Variants in CANX observed in about 807,000 individuals in gnomAD.
CANX encodes epididymis secretory sperm binding protein.
Under a neutral mutation model 75.7 loss-of-function variants are expected in CANX, and 14 were observed. The observed-to-expected ratio is 0.19, with a 90% CI of 0.12 to 0.29. The LOEUF is 0.29. CANX is among the 10% of genes least tolerant of loss of function. The pLI is 1.00. For missense variants in CANX, 567 were observed against 713.2 expected (o/e 0.79, Z 2.34); for synonymous variants, 227 against 236.9 (o/e 0.96, Z 0.38).
At chr5:179,721,349 C>T (rs1306985310) in intron 10 of CANX, among the ~76,000 whole-genome samples, 2 of 152,222 alleles carry the variant, frequency 1.3e-5, no homozygotes, top group African/African-American at 4.8e-5. Flanking sequence ...CTTCGCCTTT[C>T]GAAGTCCTGG....
At chr5:179,724,259 T>TA (rs1778500035) in intron 12 of CANX, among the ~76,000 whole-genome samples, 2 of 151,928 alleles carry the variant, frequency 1.3e-5, no homozygotes, top group South Asian at 4.1e-4. Flanking sequence ...CATGCTATCA[T>TA]AAAAAAAGAA....
intron 9 of CANX, 136 bp downstream of exon 9, chr5:179,719,917 G>T (rs1344689359): frequency 2.5e-5 from 15 of 604,524 alleles, no homozygotes; most frequent in Non-Finnish European, 4.1e-5. Context: ...CACCTCCTGG[G>T]TTCAAGTGAT....
At chr5:179,699,379 A>T (rs1020797957) in intron 1 of CANX, among the ~76,000 whole-genome samples, 5 of 152,082 alleles carry the variant, frequency 3.3e-5, no homozygotes, top group African/African-American at 1.2e-4. Context: ...ACTTATTCCT[A>T]TGGCTTTGCT....
At chr5:179,705,585 A>C in intron 1 of CANX, 94 bp from the exon 2 acceptor site, 30 of 883,794 alleles carry the variant, frequency 3.4e-5, no homozygotes, top group Non-Finnish European at 4.8e-5. Context: ...TCTGCGATTT[A>C]AAAGCTTTAA....
chr5:179,726,373 G>A (rs1778670939), intron 13 of CANX, among the ~76,000 whole-genome samples: 1 of 151,830 alleles, frequency 6.6e-6, no homozygotes. Context: ...TCAGGAGATC[G>A]AGACCATCCT....
chr5:179,721,431 C>G (rs1389083131), intron 10 of CANX, among the ~76,000 whole-genome samples: 1 of 152,164 alleles, frequency 6.6e-6, no homozygotes, highest in African/African-American at 2.4e-5. Flanking sequence ...TATTTAAAAA[C>G]AAAAGAGAAA....
chr5:179,679,137 C>G, intron 1 of CANX: 1 of 1,535,606 alleles, frequency 6.5e-7, no homozygotes, highest in Non-Finnish European at 8.7e-7. Context: ...TCGAAGGTTG[C>G]CAGGGCGTGG....
rs546801666 is a variant in CANX at position 179,724,328 on chromosome 5, A to T, written c.1519-329A>T. On this transcript the variant is annotated intron_variant, in intron 12 of 14. Transcript: ENST00000247461. Reference sequence around the variant, plus strand: ...GGATTATGCTTCATCTGGCATTCATAGCACTTTGTAACTGGATCCCAAGTT... The same window carrying T: ...GGATTATGCTTCATCTGGCATTCATTGCACTTTGTAACTGGATCCCAAGTT... Among the ~76,000 whole-genome samples, 3 of 152,236 alleles carry T rather than the reference A, an allele frequency of 2.0e-5. No homozygotes were observed. The South Asian group carries it at 6.2e-4, about 31-fold the overall frequency.
Position 179,716,146 on chromosome 5 carries a change from T to C in CANX, c.763T>C (p.Ser255Pro). ...TAGTTTTGAAATACTGGTTGACCAATCTGTGGTGAATAGTGGAAATCTGCT... is the reference window on the plus strand; with the variant it reads ...TAGTTTTGAAATACTGGTTGACCAACCTGTGGTGAATAGTGGAAATCTGCT... ...DNSFEILVDQ[S>P]VVNSGNLLND... The change falls in exon 8 of 15, where the codon TCT becomes CCT. Residue 255 changes from serine (S) to proline (P), a missense_variant. Physicochemically the swap from Ser to Pro is moderately conservative, Grantham distance 74 (BLOSUM62 -1). Coordinates refer to ENST00000247461, the MANE Select transcript of CANX (RefSeq NM_001746.4). The C allele has an allele frequency of 6.2e-7, 1 of 1,613,028 alleles. No individual in the cohort carries two copies. Among genetic ancestry groups the C allele is most frequent in the Non-Finnish European group, 8.5e-7 (1 of 1,178,998 alleles).
At chr5:179,725,310 G>A (rs1481779643) in intron 13 of CANX, among the ~76,000 whole-genome samples, 3 of 151,952 alleles carry the variant, frequency 2.0e-5, no homozygotes, top group South Asian at 2.1e-4. Flanking sequence ...AGATTCAAGC[G>A]ATTCTCCCAC....
intron 1 of CANX, chr5:179,699,761 A>G (rs1776608616): frequency 6.6e-6 from 1 of 152,274 alleles, no homozygotes; most frequent in Non-Finnish European, 1.5e-5. Flanking sequence ...TCCACACCGG[A>G]GGCCTGGAGG....
In CANX at chr5:179,722,952, G is replaced by A. The variant is rs771656553; in HGVS notation, c.1331G>A (p.Arg444Gln). Residue 444 changes from arginine to glutamine, a missense_variant, in exon 11 of 15, where the codon CGA becomes CAA. Coordinates refer to ENST00000247461, the MANE Select transcript of CANX (RefSeq NM_001746.4). ...FFDNFIICADRRIVDDWANDG... is the reference protein window; with the variant it reads ...FFDNFIICADQRIVDDWANDG... Reference sequence around the variant, plus strand: ...GACAACTTTATCATTTGTGCTGATCGAAGAATAGTTGATGATTGGGCCAAT... The same window carrying A: ...GACAACTTTATCATTTGTGCTGATCAAAGAATAGTTGATGATTGGGCCAAT... 1.2e-5 allele frequency: 19 copies of A among 1,614,018 alleles called. No individual in the cohort carries two copies. Among genetic ancestry groups the A allele is most frequent in the East Asian group, 8.9e-5 (4 of 44,892 alleles).
chr5:179,710,043 G>T lies in CANX; in HGVS notation c.699G>T (p.Lys233Asn). ...ATCTGAAGACCTATTTTACTGATAA[G>T]AAAACACATCTTTACACACTAAGTA... ...DADLKTYFTD[K>N]KTHLYTLILN... is the part of the protein sequence containing the mutation. Residue 233 changes from lysine to asparagine, a missense_variant, in exon 7 of 15, where the codon AAG becomes AAT. Lys to Asn is a moderately conservative substitution (Grantham distance 94, BLOSUM62 0). Transcript: ENST00000247461. The T allele has an allele frequency of 6.2e-7, 1 of 1,602,844 alleles. No individual in the cohort carries two copies. The highest frequency in any genetic ancestry group is 8.5e-7 in the Non-Finnish European group (1 of 1,172,094).
chr5:179,700,360 C>T (rs747579787), intron 1 of CANX: 2 of 152,098 alleles, frequency 1.3e-5, no homozygotes, highest in African/African-American at 2.4e-5. Context: ...TTTTATTGAT[C>T]TTTAAAATCA....
intron 1 of CANX, among the ~76,000 whole-genome samples, chr5:179,690,234 T>C (rs1401149957): frequency 6.6e-6 from 1 of 152,180 alleles, no homozygotes; most frequent in Non-Finnish European, 1.5e-5. Context: ...TTAGTGACAT[T>C]TGCCCTTCCC....
At chr5:179,722,534 T>C (rs1313601045) in intron 10 of CANX, among the ~76,000 whole-genome samples, 1 of 152,210 alleles carries the variant, frequency 6.6e-6, no homozygotes, top group African/African-American at 2.4e-5. Context: ...GTGGAGGCTG[T>C]TGAATGGGCC....
At chr5:179,679,224 G>C (rs773246600) in intron 1 of CANX, 2 of 1,533,386 alleles carry the variant, frequency 1.3e-6, no homozygotes, top group South Asian at 2.4e-5. Context: ...TGTCTCGGGA[G>C]CCCGGATGTC....
chr5:179,708,331 G>A lies in CANX; in HGVS notation c.397G>A (p.Ala133Thr), dbSNP rs1383056902. ...MSRAKHHAISAKLNKPFLFDT... is the reference protein window; with the variant it reads ...MSRAKHHAISTKLNKPFLFDT... The stretch of plus-strand genomic sequence containing the variant: ...TCGGGCCAAGCATCATGCCATCTCT[G>A]CTAAACTGAACAAGCCCTTCCTGTT... The change falls in exon 5 of 15, where the codon GCT becomes ACT. Residue 133 changes from alanine to threonine, a missense_variant. Transcript: ENST00000247461. 6.2e-7 allele frequency: 1 copy of A among 1,613,970 alleles called. No homozygotes were observed. Among genetic ancestry groups the A allele is most frequent in the East Asian group, 2.2e-5 (1 of 44,884 alleles).
chr5:179,681,238 C>T (rs1390260426), intron 1 of CANX, among the ~76,000 whole-genome samples: 5 of 152,182 alleles, frequency 3.3e-5, no homozygotes. Flanking sequence ...CATATTCCCT[C>T]ACTGAGCTGT....
Sources: gnomAD v4.1 joint callset for allele counts (sites outside exome capture counted in the v4.1 genomes callset) on GRCh38, gnomAD v4.1.1 for gene constraint, MANE v1.5 for transcripts, NCBI Gene and HGNC (gene_info 2026-07-23, HGNC 2026-07-21) for gene names.